The following TXNDC16 variants were observed in gnomAD, a reference collection of about 807,000 sequenced individuals.
The protein encoded by TXNDC16 is thioredoxin domain containing 16, also known as thioredoxin domain-containing protein 16.
Under a neutral mutation model 85.6 loss-of-function variants are expected in TXNDC16, and 74 were observed. The ratio of observed to expected loss-of-function variants is 0.86; its 90% CI spans 0.72 to 1.05. TXNDC16 has a LOEUF of 1.05. Ranked by LOEUF, TXNDC16 falls within the 50% of genes least tolerant of loss-of-function variation. The pLI is 0.00. For missense variants in TXNDC16, 959 were observed against 947.0 expected, an observed-to-expected ratio of 1.01 and a Z score of -0.17; for synonymous variants, 335 against 326.5, an observed-to-expected ratio of 1.03 and a Z score of -0.28.
chr14:52,541,825 T>C (rs1267252652), intron 4 of TXNDC16, among the ~76,000 whole-genome samples: 2 of 152,336 alleles, frequency 1.3e-5, no homozygotes, highest in Admixed American at 1.3e-4. Flanking sequence ...AAATTTTCTA[T>C]AATACTCTAT....
At chr14:52,493,937 A>C (rs8018284) in intron 9 of TXNDC16, among the ~76,000 whole-genome samples, 75,557 of 151,590 alleles carry the variant, frequency 0.5, 19,534 homozygotes, top group East Asian at 0.7. Context: ...TGCATCACCA[A>C]GCCCAGCTAA....
At chr14:52,500,282 G>T (rs1213914424) in intron 9 of TXNDC16, among the ~76,000 whole-genome samples, 1 of 152,160 alleles carries the variant, frequency 6.6e-6, no homozygotes, top group Non-Finnish European at 1.5e-5. Context: ...CCTTAAAAAA[G>T]AATAAAATCC....
chr14:52,488,496 C>G lies in TXNDC16; in HGVS notation c.985-10G>C, dbSNP rs377322157. ...ATTCCACTGGAACTCCCTAGAAATA[C>G]ATTAATTTTTAAAAAATGAATATAG... On this transcript the variant is annotated splice_polypyrimidine_tract_variant and intron_variant, in intron 11 of 20. Transcript: ENST00000281741. 7.0e-6 allele frequency: 11 copies of G among 1,576,496 alleles called. No homozygotes were observed. Among genetic ancestry groups the G allele is most frequent in the Middle Eastern group, 1.7e-4 (1 of 5,986 alleles).
At chr14:52,470,270 T>C (rs1337503498) in intron 15 of TXNDC16, 97 bp from the exon 16 acceptor site, 2 of 954,598 alleles carry the variant, frequency 2.1e-6, no homozygotes, top group South Asian at 2.3e-5. Context: ...ATATATTACA[T>C]AGGATAATAT....
Position 52,488,395 on chromosome 14 carries a change from T to A in TXNDC16, c.1076A>T (p.Asp359Val), listed in dbSNP as rs1206126485. 6.2e-7 allele frequency: 1 copy of A among 1,613,858 alleles called. No individual in the cohort carries two copies. Among genetic ancestry groups the A allele is most frequent in the Non-Finnish European group, 8.5e-7 (1 of 1,179,806 alleles). The part of the protein sequence containing the change: ...NNMHIEEIQE[D>V]EDNDMEGPDI... Reference sequence around the variant, plus strand: ...TGGACCTTCCATGTCATTGTCTTCATCTTCTTGTATTTCCTCAATGTGCAT... The same window carrying A: ...TGGACCTTCCATGTCATTGTCTTCAACTTCTTGTATTTCCTCAATGTGCAT... The change falls in exon 12 of 21, where the codon GAT becomes GTT. Residue 359 changes from aspartate to valine, a missense_variant. Asp to Val is a radical substitution (Grantham distance 152). Coordinates refer to ENST00000281741, the MANE Select transcript of TXNDC16 (RefSeq NM_020784.3).
chr14:52,440,868 A>G, intron 18 of TXNDC16, 144 bp from the exon 19 acceptor site: 1 of 675,184 alleles, frequency 1.5e-6, no homozygotes, highest in African/African-American at 1.9e-5. Flanking sequence ...ATTTTACTAT[A>G]TTAATAACTA....
chr14:52,483,087 TTA>T, intron 12 of TXNDC16, 122 bp from the exon 13 acceptor site: 1 of 793,456 alleles, frequency 1.3e-6, no homozygotes, highest in Non-Finnish European at 1.8e-6. Context: ...TCATCCTATC[TTA>T]ATAGTTAGGA....
intron 17 of TXNDC16, 116 bp downstream of exon 17, chr14:52,456,974 T>G: frequency 1.5e-6 from 1 of 681,542 alleles, no homozygotes; most frequent in South Asian, 1.9e-5. Flanking sequence ...TAAAAAAAAT[T>G]TCTTTAGATT....
intron 3 of TXNDC16, 45 bp from the exon 4 acceptor site, chr14:52,542,498 A>G (rs1375243168): frequency 4.2e-6 from 6 of 1,428,236 alleles, no homozygotes; most frequent in African/African-American, 1.4e-5. Flanking sequence ...TTGCCCCTTA[A>G]AAATGAATTT....
intron 14 of TXNDC16, 131 bp from the exon 15 acceptor site, chr14:52,470,811 C>T: frequency 1.3e-6 from 1 of 758,408 alleles, no homozygotes; most frequent in Non-Finnish European, 2.0e-6. Context: ...TAAACACTCT[C>T]TTCCCTTGAT....
intron 20 of TXNDC16, among the ~76,000 whole-genome samples, chr14:52,437,286 TTATA>T (rs1186649964): frequency 2.0e-5 from 3 of 152,168 alleles, no homozygotes; most frequent in Admixed American, 2.0e-4. Context: ...TAGCATGATC[TTATA>T]TACAGAAAAC....
intron 12 of TXNDC16, among the ~76,000 whole-genome samples, chr14:52,486,014 G>A (rs1229439281): frequency 1.3e-5 from 2 of 151,976 alleles, no homozygotes; most frequent in African/African-American, 4.8e-5. Context: ...ATAACTTAAA[G>A]GTACTTTTAA....
chr14:52,469,020 A>G (rs2035840678), intron 16 of TXNDC16, among the ~76,000 whole-genome samples: 1 of 152,196 alleles, frequency 6.6e-6, no homozygotes, highest in Admixed American at 6.5e-5. Flanking sequence ...ACAGAAGGAA[A>G]AAAAAAGGAA....
rs116787173 is a variant in TXNDC16 at position 52,528,330 on chromosome 14, C to T, written c.392+8389G>A. Among the ~76,000 whole-genome samples, 734 of 152,160 alleles carry T rather than the reference C, an allele frequency of 4.8e-3. 11 individuals carry two copies. The highest frequency in any genetic ancestry group is 0.017 in the African/African-American group (698 of 41,520). On this transcript the variant is annotated intron_variant, in intron 6 of 20. Transcript: ENST00000281741. Reference sequence around the variant, plus strand: ...AAATAAAGTAACACATATTCTCTAACGCAGGCTTTTAGTTCATAGACAAGT... The same window carrying T: ...AAATAAAGTAACACATATTCTCTAATGCAGGCTTTTAGTTCATAGACAAGT...
chr14:52,457,949 A>T (rs2035570893), intron 16 of TXNDC16, among the ~76,000 whole-genome samples: 2 of 152,216 alleles, frequency 1.3e-5, no homozygotes, highest in South Asian at 4.1e-4. Context: ...AATTCTTGCC[A>T]AGTGAAGGCC....
intron 18 of TXNDC16, among the ~76,000 whole-genome samples, chr14:52,447,026 G>A (rs560157240): frequency 7.2e-5 from 11 of 151,890 alleles, no homozygotes; most frequent in South Asian, 4.2e-4. Flanking sequence ...GAAAAGTAGA[G>A]GGAAAAGTAA....
At chr14:52,531,095 C>T (rs2037566845) in intron 6 of TXNDC16, among the ~76,000 whole-genome samples, 1 of 151,960 alleles carries the variant, frequency 6.6e-6, no homozygotes, top group African/African-American at 2.4e-5. Flanking sequence ...CATAAGTCAT[C>T]AGGGAAATGC....
chr14:52,442,700 T>C (rs1350354655), intron 18 of TXNDC16, among the ~76,000 whole-genome samples: 1 of 152,170 alleles, frequency 6.6e-6, no homozygotes, highest in African/African-American at 2.4e-5. Context: ...TTTCATCCTT[T>C]AATCTTGTAG....
intron 18 of TXNDC16, among the ~76,000 whole-genome samples, chr14:52,453,210 C>T (rs1033911814): frequency 8.6e-5 from 13 of 152,008 alleles, no homozygotes; most frequent in African/African-American, 2.9e-4. Context: ...AGAAAAGGGA[C>T]CCCTCGTATA....
Sources: gnomAD v4.1 joint callset for allele counts (sites outside exome capture counted in the v4.1 genomes callset) on GRCh38, gnomAD v4.1.1 for gene constraint, MANE v1.5 for transcripts, NCBI Gene and HGNC (gene_info 2026-07-23, HGNC 2026-07-21) for gene names.